Variants in NPAS3 observed in about 807,000 individuals in gnomAD.
The protein encoded by NPAS3 is neuronal PAS domain-containing protein 3.
NPAS3 carries 14 observed loss-of-function variants against 73.1 expected under a neutral mutation model. The ratio of observed to expected loss-of-function variants is 0.19; its 90% CI spans 0.13 to 0.30. The LOEUF (loss-of-function observed/expected upper bound fraction) is 0.30, where lower values mean the gene tolerates loss of function less well. Ranked by LOEUF, NPAS3 falls within the 10% of genes least tolerant of loss-of-function variation. The pLI is 1.00. For synonymous variants in NPAS3, 620 were observed against 541.5 expected, an observed-to-expected ratio of 1.14 and a Z score of -2.01; for missense variants, 1,096 against 1,250.0, an observed-to-expected ratio of 0.88 and a Z score of 1.86.
At chr14:32,943,035 C>T (rs947807666) in intron 1 of NPAS3, among the ~76,000 whole-genome samples, 2 of 152,302 alleles carry the variant, frequency 1.3e-5, no homozygotes, top group African/African-American at 4.8e-5. Context: ...TCCCTCATTA[C>T]AACATCTTTT....
intron 5 of NPAS3, among the ~76,000 whole-genome samples, chr14:33,659,126 G>T (rs1194428466): frequency 6.6e-6 from 1 of 152,148 alleles, no homozygotes; most frequent in Non-Finnish European, 1.5e-5. Context: ...ATTAGATATG[G>T]CTGCTGCCCT....
chr14:33,504,355 A>G (rs916411538), intron 4 of NPAS3, among the ~76,000 whole-genome samples: 2 of 151,976 alleles, frequency 1.3e-5, no homozygotes, highest in African/African-American at 2.4e-5. Context: ...CACAAATACC[A>G]TAGAATATGT....
chr14:33,361,070 T>C (rs2045578911), intron 3 of NPAS3, among the ~76,000 whole-genome samples: 1 of 152,180 alleles, frequency 6.6e-6, no homozygotes, highest in Non-Finnish European at 1.5e-5. Context: ...AGTATTCTTA[T>C]AGTAACTACC....
At chr14:33,432,637 G>A (rs758754660) in intron 4 of NPAS3, among the ~76,000 whole-genome samples, 1 of 152,048 alleles carries the variant, frequency 6.6e-6, no homozygotes, top group African/African-American at 2.4e-5. Context: ...TCACATGCAC[G>A]CATATATTTA....
intron 5 of NPAS3, among the ~76,000 whole-genome samples, chr14:33,613,063 AT>A (rs1438079490): frequency 1.3e-5 from 2 of 152,224 alleles, no homozygotes; most frequent in Non-Finnish European, 2.9e-5. Flanking sequence ...GTAACTGAAA[AT>A]TTAATTCAAC....
intron 5 of NPAS3, chr14:33,583,287 C>A (rs1375587466): frequency 1.3e-5 from 2 of 152,278 alleles, no homozygotes; most frequent in East Asian, 3.9e-4. Flanking sequence ...AACCTGACCT[C>A]TTCAGGGTTC....
At chr14:33,171,785 G>C (rs185973072) in intron 2 of NPAS3, among the ~76,000 whole-genome samples, 1 of 152,324 alleles carries the variant, frequency 6.6e-6, no homozygotes, top group Admixed American at 6.5e-5. Flanking sequence ...CTTGGTGCAA[G>C]TGACCTAGCT....
In NPAS3 at chr14:33,301,324, T is replaced by TATATATATATATATATA. The variant is rs56204986; in HGVS notation, c.386-65862_386-65861insATATATATATATATATA. Among the ~76,000 whole-genome samples the TATATATATATATATATA allele has an allele frequency of 3.3e-3, 253 of 75,582 alleles. 26 individuals are homozygous for TATATATATATATATATA. The highest frequency in any genetic ancestry group is 6.3e-3 in the Middle Eastern group (1 of 158). The allele number at this position is 75,582 out of a possible 152,430, so 49.6% of individuals were successfully genotyped here. ...TTTATCATTATATATATATATATAT[T>TATATATATATATATATA]TTTTTTTTTTAAATCTAGCTGTAAT... On this transcript the variant is annotated intron_variant, in intron 3 of 11. Transcript: ENST00000356141.
chr14:33,166,357 G>A (rs1289763903), intron 2 of NPAS3, among the ~76,000 whole-genome samples: 1 of 152,144 alleles, frequency 6.6e-6, no homozygotes, highest in African/African-American at 2.4e-5. Flanking sequence ...CATCCATGAA[G>A]CCTTCTAGTT....
chr14:33,136,209 C>A (rs189003491), intron 2 of NPAS3, among the ~76,000 whole-genome samples: 12 of 151,904 alleles, frequency 7.9e-5, no homozygotes, highest in Admixed American at 3.3e-4. Flanking sequence ...TACAGGCGCA[C>A]ACCACCACGC....
intron 6 of NPAS3, among the ~76,000 whole-genome samples, chr14:33,697,833 G>A (rs889284584): frequency 6.6e-6 from 1 of 152,196 alleles, no homozygotes; most frequent in African/African-American, 2.4e-5. Context: ...ATGTGCTAAA[G>A]AATTGTGTAG....
chr14:33,582,054 A>G (rs1483533741), intron 5 of NPAS3: 2 of 152,198 alleles, frequency 1.3e-5, no homozygotes, highest in Non-Finnish European at 2.9e-5. Context: ...CAAAATTTTT[A>G]TATATGTACC....
chr14:33,678,005 T>TCAAA (rs2059817827), intron 6 of NPAS3, among the ~76,000 whole-genome samples: 1 of 152,204 alleles, frequency 6.6e-6, no homozygotes, highest in Admixed American at 6.5e-5. Flanking sequence ...TCCTCATGAC[T>TCAAA]CAAACACGCA....
intron 3 of NPAS3, among the ~76,000 whole-genome samples, chr14:33,218,320 T>TCA (rs2047299342): frequency 6.6e-6 from 1 of 152,124 alleles, no homozygotes; most frequent in African/African-American, 2.4e-5. Context: ...CTACCCCGGC[T>TCA]CTCAAAAGTA....
intron 5 of NPAS3, among the ~76,000 whole-genome samples, chr14:33,571,082 C>G (rs1300780286): frequency 6.6e-6 from 1 of 152,130 alleles, no homozygotes; most frequent in Non-Finnish European, 1.5e-5. Context: ...AAAATTAAGA[C>G]ACTCCGTTGG....
intron 6 of NPAS3, among the ~76,000 whole-genome samples, chr14:33,701,375 C>T (rs1039812714): frequency 2.6e-5 from 4 of 152,184 alleles, no homozygotes; most frequent in African/African-American, 7.2e-5. Context: ...GATTGTTAAC[C>T]TGCAGGTCTG....
chr14:32,994,246 C>T (rs1435448708), intron 1 of NPAS3, among the ~76,000 whole-genome samples: 2 of 152,146 alleles, frequency 1.3e-5, no homozygotes, highest in African/African-American at 2.4e-5. Context: ...CTATTGAGAA[C>T]AAAATGTAAA....
chr14:33,214,903 T>C, intron 2 of NPAS3: 1 of 419,090 alleles, frequency 2.4e-6, no homozygotes, highest in Non-Finnish European at 4.3e-6. Flanking sequence ...TTAGAAACAA[T>C]AAATACACCT....
upstream of NPAS3, among the ~76,000 whole-genome samples, chr14:32,937,637 G>C (rs1050516423): frequency 9.2e-5 from 14 of 152,178 alleles, no homozygotes; most frequent in African/African-American, 3.4e-4. Context: ...TGTTCCTTTG[G>C]AAGTTTCCAA....
Sources: gnomAD v4.1 joint callset for allele counts (sites outside exome capture counted in the v4.1 genomes callset) on GRCh38, gnomAD v4.1.1 for gene constraint, MANE v1.5 for transcripts, NCBI Gene and HGNC (gene_info 2026-07-23, HGNC 2026-07-21) for gene names.